Variants in RAB1A observed in about 807,000 individuals in gnomAD.
RAB1A encodes RAB1A, member RAS oncogene family, also known as ras-related protein Rab-1A.
Under a neutral mutation model 26.0 loss-of-function variants are expected in RAB1A, and 2 were observed. The ratio of observed to expected loss-of-function variants is 0.08; its 90% CI spans 0.03 to 0.24. The LOEUF (loss-of-function observed/expected upper bound fraction) is 0.24. RAB1A is among the 10% of genes least tolerant of loss of function. The probability of loss-of-function intolerance (pLI) is 1.00; values close to 1 mark genes in which losing one functional copy is unlikely to be tolerated. For synonymous variants in RAB1A, 84 were observed against 84.9 expected (o/e 0.99, Z 0.06); for missense variants, 100 against 247.0 (o/e 0.40, Z 3.99).
At chr2:65,090,702 A>G (rs1282406722) in intron 4 of RAB1A, among the ~76,000 whole-genome samples, 2 of 152,206 alleles carry the variant, frequency 1.3e-5, no homozygotes, top group Non-Finnish European at 2.9e-5. Context: ...ACTCTTGCCT[A>G]TATGTTAGAG....
chr2:65,092,274 G>GAA (rs1042989615), intron 3 of RAB1A, among the ~76,000 whole-genome samples: 1 of 130,350 alleles, frequency 7.7e-6, no homozygotes, highest in Non-Finnish European at 1.7e-5. Flanking sequence ...CAAAAAAAGA[G>GAA]AAAAAAAAAA....
chr2:65,130,049 C>T lies in RAB1A; in HGVS notation c.-134G>A, dbSNP rs906865212. The T allele has an allele frequency of 1.0e-6, 1 of 1,002,992 alleles. No individual in the cohort carries two copies. Among genetic ancestry groups the T allele is most frequent in the Non-Finnish European group, 1.5e-6 (1 of 657,672 alleles). The allele number at this position is 1,002,992 out of a possible 1,614,324, so 62.1% of individuals were successfully genotyped here. On this transcript the variant is annotated 5_prime_UTR_variant, in exon 1 of 6. Transcript: ENST00000409784. ...GGAGAGCAAACGTCTTCCCCTACTCCGTCCCCTAGAACACAATCAGCAGCC... is the reference window on the plus strand; with the variant it reads ...GGAGAGCAAACGTCTTCCCCTACTCTGTCCCCTAGAACACAATCAGCAGCC...
At chr2:65,090,930 A>G in intron 4 of RAB1A, 53 bp downstream of exon 4, 2 of 1,260,536 alleles carry the variant, frequency 1.6e-6, no homozygotes, top group Non-Finnish European at 2.2e-6. Flanking sequence ...GACATTAATC[A>G]AATAATGGCT....
chr2:65,090,286 AT>A (rs1322088567), intron 4 of RAB1A, among the ~76,000 whole-genome samples: 1 of 152,208 alleles, frequency 6.6e-6, no homozygotes, highest in Non-Finnish European at 1.5e-5. Flanking sequence ...TAGAGGTGAG[AT>A]TTAACATTTG....
chr2:65,116,849 G>T (rs943304846), intron 1 of RAB1A, among the ~76,000 whole-genome samples: 1 of 152,182 alleles, frequency 6.6e-6, no homozygotes. Flanking sequence ...TGCAGCAAGT[G>T]TGCCCTCTAC....
intron 2 of RAB1A, among the ~76,000 whole-genome samples, chr2:65,101,480 A>C (rs186518253): frequency 3.0e-4 from 46 of 152,246 alleles, no homozygotes; most frequent in Non-Finnish European, 1.0e-4. Context: ...GCATTTTAAA[A>C]ATAGTTTCCA....
rs1355573701 is a variant in RAB1A, at chr2:65,092,093, T to TTTC, written c.193-1016_193-1015insGAA. Among the ~76,000 whole-genome samples the TTTC allele has an allele frequency of 9.9e-5, 15 of 152,150 alleles. No homozygotes were observed. In the South Asian group the frequency reaches 2.7e-3, roughly 27 times the overall value. ...TTCGAGACCAGCCTGACCAACATGG[T>TTTC]GAAACCCTGTCTCTACTAAAAATCC... On this transcript the variant is annotated intron_variant, in intron 3 of 5. Coordinates refer to ENST00000409784, the MANE Select transcript of RAB1A (RefSeq NM_004161.5).
chr2:65,112,257 C>T (rs912386159), intron 1 of RAB1A, among the ~76,000 whole-genome samples: 2 of 151,468 alleles, frequency 1.3e-5, no homozygotes, highest in African/African-American at 4.8e-5. Context: ...AAGCGATTCA[C>T]CTGCCTCAGC....
rs1233259346 is a variant in RAB1A at position 65,110,526 on chromosome 2, T to A, written c.24-5720A>T. 2.0e-5 allele frequency among the ~76,000 whole-genome samples: 3 copies of A among 150,316 alleles called. No homozygotes were observed. The South Asian group carries it at 6.3e-4, about 31-fold the overall frequency. ...ATTAGATTATAACTCACAAAATAAA[T>A]ACTCATGAATTCATAGCAGTATAAA... On this transcript the variant is annotated intron_variant, in intron 1 of 5. Coordinates refer to ENST00000409784, the MANE Select transcript of RAB1A (RefSeq NM_004161.5).
intron 1 of RAB1A, among the ~76,000 whole-genome samples, chr2:65,127,134 G>A (rs934838142): frequency 6.6e-6 from 1 of 152,082 alleles, no homozygotes; most frequent in Non-Finnish European, 1.5e-5. Context: ...ACTGTTTCTG[G>A]GTTTGATCCC....
At chr2:65,091,146 G>T in intron 3 of RAB1A, 68 bp from the exon 4 acceptor site, 1 of 1,232,360 alleles carries the variant, frequency 8.1e-7, no homozygotes, top group Non-Finnish European at 1.2e-6. Context: ...GTGTAGGAGG[G>T]AGGGGAAATA....
chr2:65,100,876 T>G (rs1046929172), intron 2 of RAB1A, among the ~76,000 whole-genome samples: 1 of 151,932 alleles, frequency 6.6e-6, no homozygotes, highest in African/African-American at 2.4e-5. Flanking sequence ...CCGGGTACAG[T>G]GGCTCACGCC....
chr2:65,094,642 A>G (rs867597323), intron 3 of RAB1A, among the ~76,000 whole-genome samples: 10 of 152,154 alleles, frequency 6.6e-5, no homozygotes, highest in African/African-American at 2.2e-4. Context: ...TAAGACCCAA[A>G]CTAGAAATAA....
intron 3 of RAB1A, among the ~76,000 whole-genome samples, chr2:65,094,520 G>A (rs575355556): frequency 4.0e-5 from 6 of 151,548 alleles, no homozygotes; most frequent in Admixed American, 3.3e-4. Flanking sequence ...GGAGGCGGAG[G>A]TTGCAGTGAG....
intron 1 of RAB1A, among the ~76,000 whole-genome samples, chr2:65,110,970 A>C (rs557019340): frequency 6.6e-6 from 1 of 152,212 alleles, no homozygotes; most frequent in South Asian, 2.1e-4. Context: ...GAAAAAGAAA[A>C]AATAATTGCT....
At position 65,095,250 on chromosome 2, in the gene RAB1A, G is replaced by T. The variant is rs182632253; in HGVS notation, c.192+2721C>A. ...AGGTTTCGCCATGTTGCTCAGGCTG[G>T]TCTTAGACCTCCTGAGCTCAGGCAA... is the stretch of plus-strand genomic sequence containing the variant. On this transcript the variant is annotated intron_variant, in intron 3 of 5. Coordinates refer to ENST00000409784, the MANE Select transcript of RAB1A (RefSeq NM_004161.5). 5.6e-3 allele frequency among the ~76,000 whole-genome samples: 852 copies of T among 152,172 alleles called. 10 individuals are homozygous for T. The highest frequency in any genetic ancestry group is 0.019 in the African/African-American group (800 of 41,490).
At chr2:65,103,747 C>T (rs892882673) in intron 2 of RAB1A, among the ~76,000 whole-genome samples, 2 of 152,000 alleles carry the variant, frequency 1.3e-5, no homozygotes, top group Admixed American at 6.6e-5. Context: ...AAACAATGAT[C>T]TCTAGAAGGG....
At chr2:65,112,147 ATTT>A (rs371108447) in intron 1 of RAB1A, among the ~76,000 whole-genome samples, 4 of 142,360 alleles carry the variant, frequency 2.8e-5, no homozygotes, top group African/African-American at 1.0e-4. Flanking sequence ...CTAGCTCATG[ATTT>A]TTTTTTTTTT....
At chr2:65,105,641 A>G (rs1558581270) in intron 1 of RAB1A, among the ~76,000 whole-genome samples, 1 of 151,916 alleles carries the variant, frequency 6.6e-6, no homozygotes, top group Non-Finnish European at 1.5e-5. Context: ...CAATGTTCAT[A>G]TAACTTCTGA....
Sources: gnomAD v4.1 joint callset for allele counts (sites outside exome capture counted in the v4.1 genomes callset) on GRCh38, gnomAD v4.1.1 for gene constraint, MANE v1.5 for transcripts, NCBI Gene and HGNC (gene_info 2026-07-23, HGNC 2026-07-21) for gene names.